BCAR3: variants seen among roughly 807,000 people sequenced by gnomAD.
BCAR3 encodes the protein breast cancer anti-estrogen resistance protein 3.
In BCAR3, 37 loss-of-function variants were observed where a neutral mutation model predicts 80.1. That is an observed-to-expected ratio of 0.46 (90% confidence interval 0.36 to 0.61). BCAR3 has a LOEUF of 0.61. Ranked by LOEUF, BCAR3 falls within the 20% of genes least tolerant of loss-of-function variation. The probability of loss-of-function intolerance (pLI) is 0.00; values close to 1 mark genes in which losing one functional copy is unlikely to be tolerated. For missense variants in BCAR3, 978 were observed against 1,068.2 expected, an observed-to-expected ratio of 0.92 and a Z score of 1.18; for synonymous variants, 389 against 418.9, an observed-to-expected ratio of 0.93 and a Z score of 0.87.
intron 2 of BCAR3, among the ~76,000 whole-genome samples, chr1:93,773,319 G>C (rs1652425954): frequency 6.6e-6 from 1 of 151,890 alleles, no homozygotes; most frequent in South Asian, 2.1e-4. Flanking sequence ...GAATTTCATA[G>C]GTGAAAAAAA....
intron 3 of BCAR3, among the ~76,000 whole-genome samples, chr1:93,636,940 T>TA (rs1000959591): frequency 3.3e-5 from 5 of 150,520 alleles, no homozygotes; most frequent in African/African-American, 7.3e-5. Flanking sequence ...CTACAAAAAA[T>TA]AAAAAAAAAT....
At chr1:93,714,035 T>G (rs533023644) in intron 2 of BCAR3, among the ~76,000 whole-genome samples, 3 of 152,216 alleles carry the variant, frequency 2.0e-5, no homozygotes, top group Non-Finnish European at 2.9e-5. Context: ...CAGGCTGGAG[T>G]GCAGTGGTGC....
At chr1:93,828,853 C>T (rs901549585) in intron 2 of BCAR3, among the ~76,000 whole-genome samples, 7 of 152,036 alleles carry the variant, frequency 4.6e-5, no homozygotes, top group Non-Finnish European at 7.4e-5. Flanking sequence ...CTACCACACC[C>T]GGCTAATTTT....
intron 3 of BCAR3, among the ~76,000 whole-genome samples, chr1:93,625,617 T>C (rs971324455): frequency 3.9e-5 from 6 of 152,218 alleles, no homozygotes; most frequent in African/African-American, 1.4e-4. Flanking sequence ...CTAATAAATA[T>C]GTGAAATGGC....
chr1:93,646,602 CAA>C (rs34089294), intron 2 of BCAR3: 48 of 69,272 alleles, frequency 6.9e-4, no homozygotes, highest in Middle Eastern at 8.8e-3. Flanking sequence ...AACTCCGTCT[CAA>C]AAAAAAAAAA....
chr1:93,649,292 A>G (rs236299), intron 2 of BCAR3, among the ~76,000 whole-genome samples: 1,969 of 152,302 alleles, frequency 0.013, 41 homozygotes, highest in African/African-American at 0.044. Flanking sequence ...AAGCAAGGCT[A>G]TGGGGACAGC....
At chr1:93,803,530 C>A (rs1490389214) in intron 2 of BCAR3, among the ~76,000 whole-genome samples, 3 of 152,106 alleles carry the variant, frequency 2.0e-5, no homozygotes, top group South Asian at 2.1e-4. Context: ...AGATTCCATG[C>A]CACTCACCCT....
At chr1:93,688,315 C>T (rs1649044204) in intron 3 of BCAR3, among the ~76,000 whole-genome samples, 1 of 152,328 alleles carries the variant, frequency 6.6e-6, no homozygotes, top group East Asian at 1.9e-4. Flanking sequence ...AAGTACACCT[C>T]AACCTGATTG....
chr1:93,783,008 G>C lies in BCAR3; in HGVS notation c.-63+62559C>G, dbSNP rs182344594. On this transcript the variant is annotated intron_variant, in intron 2 of 13. Transcript: ENST00000370244. ...AAAAATGGACAAAGCACACAAATGT[G>C]CATTTCAGAAGGAAAAAAACATGAA... Among the ~76,000 whole-genome samples, 3 of 152,252 alleles carry C rather than the reference G, an allele frequency of 2.0e-5. No homozygotes were observed. The East Asian group carries it at 5.8e-4, about 29-fold the overall frequency.
chr1:93,775,339 CAGAGAGGCACAGAGGTGCTCTCCAT>C (rs913832813), intron 2 of BCAR3: 15 of 152,204 alleles, frequency 9.9e-5, no homozygotes, highest in Admixed American at 2.6e-4. Context: ...TGAGTGCTCT[CAGAGAGGCACAGAGGTGCTCTCCAT>C]AGAGAGGCAC....
chr1:93,575,995 A>C lies in BCAR3; in HGVS notation c.1802+19T>G. On this transcript the variant is annotated intron_variant, in intron 8 of 11. Transcript: ENST00000260502. ...AAGGAGCTGGGAGGGTCGGAAGTGC[A>C]GAGGACGGCACTGCTCACCTTTCAA... 1 of 1,605,416 alleles carries C rather than the reference A, an allele frequency of 6.2e-7. No individual in the cohort carries two copies. Among genetic ancestry groups the C allele is most frequent in the Non-Finnish European group, 8.5e-7 (1 of 1,172,126 alleles).
chr1:93,767,879 A>G (rs995267181), intron 2 of BCAR3, among the ~76,000 whole-genome samples: 8 of 152,234 alleles, frequency 5.3e-5, no homozygotes, highest in African/African-American at 1.7e-4. Context: ...AATAAATATA[A>G]CATCCAAGAC....
intron 2 of BCAR3, among the ~76,000 whole-genome samples, chr1:93,814,761 T>C (rs1377618544): frequency 6.6e-6 from 1 of 152,242 alleles, no homozygotes; most frequent in East Asian, 1.9e-4. Flanking sequence ...ACACAGCTCC[T>C]GTGTGGCAGC....
At chr1:93,675,274 C>T (rs764184233) in intron 1 of BCAR3, among the ~76,000 whole-genome samples, 4 of 152,084 alleles carry the variant, frequency 2.6e-5, no homozygotes, top group South Asian at 4.2e-4. Context: ...AATAAATGTA[C>T]GAAAGAAAAT....
At chr1:93,769,664 C>T (rs1201017256) in intron 2 of BCAR3, among the ~76,000 whole-genome samples, 1 of 151,972 alleles carries the variant, frequency 6.6e-6, no homozygotes, top group Non-Finnish European at 1.5e-5. Context: ...AATTACTGTT[C>T]GAGTTTAACC....
chr1:93,712,399 G>A lies in BCAR3; in HGVS notation c.-62-6257C>T, dbSNP rs141286640. 1.9e-3 allele frequency among the ~76,000 whole-genome samples: 297 copies of A among 152,308 alleles called. 2 individuals are homozygous for A. Among genetic ancestry groups the A allele is most frequent in the African/African-American group, 6.4e-3 (264 of 41,566 alleles). ...CAGGAACACTGGATCATATGGGATT[G>A]TGCCCCGCCTGGCACAGCTCCCCTA... On this transcript the variant is annotated intron_variant, in intron 2 of 13. Coordinates refer to the BCAR3 transcript ENST00000370244.
At chr1:93,710,006 G>A (rs911074612) in intron 2 of BCAR3, among the ~76,000 whole-genome samples, 2 of 152,106 alleles carry the variant, frequency 1.3e-5, no homozygotes, top group African/African-American at 4.8e-5. Flanking sequence ...AGTTGTTTTG[G>A]GGAACATTCC....
chr1:93,638,045 C>T (rs764648574), intron 3 of BCAR3, among the ~76,000 whole-genome samples: 38 of 152,122 alleles, frequency 2.5e-4, no homozygotes, highest in Non-Finnish European at 4.1e-4. Flanking sequence ...GTCAGGAGAT[C>T]GAGACCATCC....
At chr1:93,751,858 C>G (rs1651568056) in intron 2 of BCAR3, among the ~76,000 whole-genome samples, 2 of 152,232 alleles carry the variant, frequency 1.3e-5, no homozygotes, top group East Asian at 3.9e-4. Flanking sequence ...GCCTCCCCAG[C>G]CTGGCGGGGA....
Sources: allele counts gnomAD v4.1 joint callset (sites outside exome capture counted in the v4.1 genomes callset), GRCh38; gene constraint gnomAD v4.1.1; transcripts MANE v1.5; gene names NCBI Gene and HGNC (gene_info 2026-07-23, HGNC 2026-07-21).